PTDSS1: variants seen among roughly 807,000 people sequenced by gnomAD.
PTDSS1 encodes phosphatidylserine synthase 1, also known as PSS-1.
PTDSS1 carries 45 observed loss-of-function variants against 70.5 expected under a neutral mutation model. The observed-to-expected ratio is 0.64, with a 90% CI of 0.50 to 0.82. The LOEUF (loss-of-function observed/expected upper bound fraction) is 0.82, where lower values mean the gene tolerates loss of function less well. Among genes scored for constraint, PTDSS1 ranks in the 40% least tolerant of loss-of-function variants. PTDSS1 has a pLI of 0.00. For synonymous variants in PTDSS1, 188 were observed against 203.8 expected (o/e 0.92, Z 0.66); for missense variants, 417 against 586.1 (o/e 0.71, Z 2.98).
chr8:96,326,041 T>C (rs6468499), intron 10 of PTDSS1, among the ~76,000 whole-genome samples: 138,995 of 152,094 alleles, frequency 0.91, 63,691 homozygotes, highest in Non-Finnish European at 0.93. Context: ...GAAATCTGCT[T>C]GTGTGTTCAG....
At chr8:96,273,152 T>G in intron 1 of PTDSS1, 147 bp from the exon 2 acceptor site, 1 of 570,748 alleles carries the variant, frequency 1.8e-6, no homozygotes, top group East Asian at 2.9e-5. Flanking sequence ...TTGTATGATC[T>G]GTATAAATCT....
At chr8:96,298,032 C>G (rs563693786) in intron 5 of PTDSS1, among the ~76,000 whole-genome samples, 68 of 152,352 alleles carry the variant, frequency 4.5e-4, no homozygotes, top group Middle Eastern at 6.8e-3. Flanking sequence ...TCCTCCACAT[C>G]CCACTTTCTC....
At chr8:96,281,697 C>T (rs943702300) in intron 2 of PTDSS1, among the ~76,000 whole-genome samples, 5 of 152,142 alleles carry the variant, frequency 3.3e-5, no homozygotes, top group African/African-American at 9.7e-5. Flanking sequence ...CCTCAGATAC[C>T]GTCTCTAACC....
At chr8:96,279,487 C>T (rs1379062777) in intron 2 of PTDSS1, among the ~76,000 whole-genome samples, 2 of 151,736 alleles carry the variant, frequency 1.3e-5, no homozygotes, top group African/African-American at 2.4e-5. Flanking sequence ...TTTCTCCTTC[C>T]ATCCTGTGTC....
chr8:96,273,502 T>G, intron 2 of PTDSS1, 112 bp downstream of exon 2: 1 of 810,134 alleles, frequency 1.2e-6, no homozygotes, highest in Non-Finnish European at 1.9e-6. Context: ...TTTTGTGTAG[T>G]GGTTAGGGGC....
chr8:96,317,914 T>C (rs1489524607), intron 9 of PTDSS1, among the ~76,000 whole-genome samples: 3 of 117,324 alleles, frequency 2.6e-5, no homozygotes, highest in Non-Finnish European at 5.6e-5. Context: ...TGTGTGTGTG[T>C]GTGTGTACAC....
At chr8:96,282,567 T>C (rs1810754363) in intron 2 of PTDSS1, among the ~76,000 whole-genome samples, 1 of 152,196 alleles carries the variant, frequency 6.6e-6, no homozygotes, top group Admixed American at 6.5e-5. Flanking sequence ...GCAGAGTCTC[T>C]CATGAACCAA....
chr8:96,295,750 C>CT (rs1246207209), intron 5 of PTDSS1, among the ~76,000 whole-genome samples: 5 of 152,166 alleles, frequency 3.3e-5, no homozygotes, highest in Admixed American at 1.3e-4. Context: ...GAGTTATAGT[C>CT]TTGAAAAACC....
chr8:96,265,584 C>CAAACAAAACAAAACA (rs111419887), intron 1 of PTDSS1, among the ~76,000 whole-genome samples: 1 of 151,726 alleles, frequency 6.6e-6, no homozygotes, highest in Non-Finnish European at 1.5e-5. Flanking sequence ...TCTCTACAAA[C>CAAACAAAACAAAACA]AAACAAAACA....
At chr8:96,313,013 G>T (rs1811234487) in intron 9 of PTDSS1, among the ~76,000 whole-genome samples, 5 of 152,310 alleles carry the variant, frequency 3.3e-5, no homozygotes, top group Middle Eastern at 3.4e-3. Flanking sequence ...AAATGAGAGG[G>T]AGCAGTGCCT....
chr8:96,333,326 A>G, intron 12 of PTDSS1, 131 bp from the exon 13 acceptor site: 1 of 759,672 alleles, frequency 1.3e-6, no homozygotes, highest in Admixed American at 2.2e-5. Context: ...TCATTTATGA[A>G]TGAGGCCACT....
intron 1 of PTDSS1, among the ~76,000 whole-genome samples, chr8:96,264,084 A>G (rs1810453852): frequency 6.6e-6 from 1 of 152,250 alleles, no homozygotes; most frequent in Non-Finnish European, 1.5e-5. Context: ...ACCTTTCCAC[A>G]GTACCTGACC....
Position 96,261,902 on chromosome 8 carries a change from C to G in PTDSS1, c.-139C>G, listed in dbSNP as rs1454415028. ...ACCCCGCCCTCTCGCGCCTGTCCTT[C>G]CCTCTGCTCCCAGCCTTTGCTGGGC... On this transcript the variant is annotated 5_prime_UTR_variant, in exon 1 of 13. Coordinates refer to ENST00000517309, the MANE Select transcript of PTDSS1 (RefSeq NM_014754.3). The G allele has an allele frequency of 1.1e-6, 1 of 896,338 alleles. No homozygotes were observed. Among genetic ancestry groups the G allele is most frequent in the Non-Finnish European group, 1.6e-6 (1 of 617,392 alleles). 55.5% of individuals were successfully genotyped at this position (896,338 alleles called of 1,614,324 possible).
In PTDSS1 at chr8:96,310,784, T is replaced by G. The variant is rs908992361; in HGVS notation, c.1073+1162T>G. Among the ~76,000 whole-genome samples, 6 of 152,214 alleles carry G rather than the reference T, an allele frequency of 3.9e-5. No individual in the cohort carries two copies. The East Asian group carries it at 1.2e-3, about 29-fold the overall frequency. On this transcript the variant is annotated intron_variant, in intron 9 of 12. Transcript: ENST00000517309. ...AAATGTTATATCTTTTTTTTTTTCT[T>G]TTTGAGACGGAGTGTTCTGTCGCCA...
At position 96,287,345 on chromosome 8, in the gene PTDSS1, C is replaced by T. The variant is rs116196729; in HGVS notation, c.441+199C>T. On this transcript the variant is annotated intron_variant, in intron 4 of 12. Coordinates refer to ENST00000517309, the MANE Select transcript of PTDSS1 (RefSeq NM_014754.3). ...TCAGGGAAAGAAAATCCTCTCATTA[C>T]GCAAAGGGGTCTGTGAGGAAGAATG... 1.2e-3 allele frequency: 738 copies of T among 625,212 alleles called. 1 individual carries two copies. The highest frequency in any genetic ancestry group is 0.012 in the African/African-American group (638 of 54,336). 38.7% of individuals were successfully genotyped at this position (625,212 alleles called of 1,614,324 possible). A position where few individuals can be genotyped will look rare whatever the true frequency, so the allele number is the denominator to read the frequency against.
At chr8:96,326,932 C>A (rs1221308311) in intron 10 of PTDSS1, among the ~76,000 whole-genome samples, 2 of 152,166 alleles carry the variant, frequency 1.3e-5, no homozygotes, top group East Asian at 3.9e-4. Flanking sequence ...GGATGCCATT[C>A]CTCTTGTGGT....
At chr8:96,290,234 A>G (rs1810883728) in intron 4 of PTDSS1, among the ~76,000 whole-genome samples, 1 of 152,258 alleles carries the variant, frequency 6.6e-6, no homozygotes, top group Non-Finnish European at 1.5e-5. Flanking sequence ...GCCTTAGGAA[A>G]TAGAAATTGG....
At chr8:96,287,899 A>G (rs1810846944) in intron 4 of PTDSS1, among the ~76,000 whole-genome samples, 1 of 151,986 alleles carries the variant, frequency 6.6e-6, no homozygotes, top group African/African-American at 2.4e-5. Context: ...ACACCAGCCA[A>G]TTCTCTAACT....
intron 5 of PTDSS1, among the ~76,000 whole-genome samples, chr8:96,295,987 C>T (rs2130080870): frequency 6.6e-6 from 1 of 152,074 alleles, no homozygotes; most frequent in African/African-American, 2.4e-5. Context: ...ACTGGTTCCC[C>T]CTGGGGCCTT....
Sources: allele counts gnomAD v4.1 joint callset (sites outside exome capture counted in the v4.1 genomes callset), GRCh38; gene constraint gnomAD v4.1.1; transcripts MANE v1.5; gene names NCBI Gene and HGNC (gene_info 2026-07-23, HGNC 2026-07-21).